LOXHD1: variants seen among roughly 807,000 people sequenced by gnomAD.
LOXHD1 encodes lipoxygenase homology PLAT domains 1.
Under a neutral mutation model 248.2 loss-of-function variants are expected in LOXHD1, and 205 were observed. The ratio of observed to expected loss-of-function variants is 0.83; its 90% CI spans 0.74 to 0.93. The LOEUF is 0.93. Ranked by LOEUF, LOXHD1 falls within the 40% of genes least tolerant of loss-of-function variation. LOXHD1 has a pLI of 0.00. For synonymous variants in LOXHD1, 1,113 were observed against 1,162.8 expected (o/e 0.96, Z 0.87); for missense variants, 2,930 against 2,971.6 (o/e 0.99, Z 0.33).
intron 4 of LOXHD1, among the ~76,000 whole-genome samples, chr18:46,626,672 A>G (rs565620239): frequency 1.1e-4 from 16 of 152,260 alleles, no homozygotes; most frequent in Non-Finnish European, 2.2e-4. Flanking sequence ...ATATGTTCAT[A>G]AACAAAAATT....
chr18:46,572,170 G>A lies in LOXHD1; in HGVS notation c.1971-8C>T. On this transcript the variant is annotated splice_region_variant and splice_polypyrimidine_tract_variant and intron_variant, in intron 14 of 40. Coordinates refer to ENST00000642948, the MANE Select transcript of LOXHD1 (RefSeq NM_001384474.1). ...TTATCCTTGTCCAACCACCTGGTGG[G>A]CAAATGGGGGAATGTTAGCTCTTTG... 6.4e-7 allele frequency: 1 copy of A among 1,551,514 alleles called. No individual in the cohort carries two copies. Among genetic ancestry groups the A allele is most frequent in the South Asian group, 1.2e-5 (1 of 84,048 alleles).
intron 38 of LOXHD1, among the ~76,000 whole-genome samples, chr18:46,487,441 C>A (rs1345130391): frequency 1.3e-5 from 2 of 152,214 alleles, no homozygotes; most frequent in East Asian, 3.9e-4. Flanking sequence ...ACTACAGGGG[C>A]ATGTGACGGC....
rs1568206162 is a variant in LOXHD1, at chr18:46,592,048, CA to C, written c.1538del (p.Leu513ArgfsTer23). The C allele has an allele frequency of 6.4e-7, 1 of 1,552,262 alleles. No individual in the cohort carries two copies. Among genetic ancestry groups the C allele is most frequent in the East Asian group, 2.4e-5 (1 of 40,930 alleles). On this transcript the variant is annotated frameshift_variant, in exon 12 of 41. Coordinates refer to ENST00000642948, the MANE Select transcript of LOXHD1 (RefSeq NM_001384474.1). LOFTEE classifies it high-confidence loss of function. ...HLERMTLMNT[L>X]NKDKYNFNCN... is the part of the protein sequence containing the mutation. The stretch of plus-strand genomic sequence containing the variant: ...AATTGAAGTTGTACTTGTCTTTGTT[CA>C]GAGTGTTCATCAGGGTCATCTGGAA...
chr18:46,538,306 A>G lies in LOXHD1; in HGVS notation c.3945T>C (p.Ser1315=). The change falls in exon 26 of 41, where the codon AGT becomes AGC. Residue 1315 remains serine (S), a synonymous_variant. Coordinates refer to ENST00000642948, the MANE Select transcript of LOXHD1 (RefSeq NM_001384474.1). ...FVPYEITLYT[S]DVFAAGTDAN... ...CATCTGTCCCAGCAGCAAAGACATC[A>G]CTGGTGTAGAGGGTGATCTCGTAAG... 1.9e-6 allele frequency: 3 copies of G among 1,551,432 alleles called. No individual in the cohort carries two copies. Among genetic ancestry groups the G allele is most frequent in the Non-Finnish European group, 2.6e-6 (3 of 1,146,706 alleles).
At chr18:46,631,266 AT>A (rs1289685474) in intron 4 of LOXHD1, among the ~76,000 whole-genome samples, 1 of 152,110 alleles carries the variant, frequency 6.6e-6, no homozygotes, top group Non-Finnish European at 1.5e-5. Context: ...GAAATATGGT[AT>A]TTCTTGGCAA....
At chr18:46,522,068 G>A in intron 32 of LOXHD1, 33 bp downstream of exon 32, 1 of 1,503,084 alleles carries the variant, frequency 6.7e-7, no homozygotes, top group Non-Finnish European at 9.0e-7. Context: ...TCCCTAGGGT[G>A]GTCACTATCA....
chr18:46,638,019 A>G (rs1027839096), intron 4 of LOXHD1, among the ~76,000 whole-genome samples: 22 of 152,206 alleles, frequency 1.4e-4, no homozygotes, highest in African/African-American at 4.8e-4. Context: ...ATGTCCAATG[A>G]TAAGGGATCC....
At chr18:46,557,267 A>C (rs2143972517) in intron 21 of LOXHD1, 89 bp downstream of exon 21, 15 of 1,367,176 alleles carry the variant, frequency 1.1e-5, no homozygotes, top group South Asian at 2.6e-5. Context: ...CAGCCGGCCC[A>C]CCCCCAGTCT....
chr18:46,589,124 C>A (rs1191420216), intron 12 of LOXHD1, among the ~76,000 whole-genome samples: 1 of 152,200 alleles, frequency 6.6e-6, no homozygotes, highest in Non-Finnish European at 1.5e-5. Context: ...GAGGAAACAG[C>A]AAACTGTTCT....
At chr18:46,592,796 G>C (rs2038195873) in intron 10 of LOXHD1, among the ~76,000 whole-genome samples, 1 of 152,162 alleles carries the variant, frequency 6.6e-6, no homozygotes, top group Admixed American at 6.5e-5. Context: ...CAGAGGGCAA[G>C]GGTTCAGTCT....
At chr18:46,589,121 C>T (rs920606285) in intron 12 of LOXHD1, among the ~76,000 whole-genome samples, 3 of 152,166 alleles carry the variant, frequency 2.0e-5, no homozygotes, top group African/African-American at 7.2e-5. Flanking sequence ...TATGAGGAAA[C>T]AGCAAACTGT....
intron 24 of LOXHD1, 27 bp downstream of exon 24, chr18:46,542,700 A>G: frequency 6.4e-7 from 1 of 1,551,168 alleles, no homozygotes; most frequent in African/African-American, 1.4e-5. Context: ...AAGTCTTAGC[A>G]AGGAACAGAG....
rs1304603112 is a variant in LOXHD1 at position 46,577,686 on chromosome 18, C to T, written c.1970+21G>A. 3.2e-6 allele frequency: 5 copies of T among 1,545,668 alleles called. No homozygotes were observed. In the African/African-American group the frequency reaches 4.1e-5, roughly 13 times the overall value. ...TCATAACCTAAGCTGGAGAAAACAC[C>T]AGCAGGCAGGACGCATGTACCTGAG... On this transcript the variant is annotated intron_variant, in intron 14 of 40. Coordinates refer to ENST00000642948, the MANE Select transcript of LOXHD1 (RefSeq NM_001384474.1).
intron 6 of LOXHD1, among the ~76,000 whole-genome samples, chr18:46,608,035 G>GGGAC: frequency 9.0e-6 from 1 of 111,362 alleles, no homozygotes; most frequent in Non-Finnish European, 1.9e-5. Flanking sequence ...GAAGGAAGGA[G>GGGAC]GGAAGGAAGG....
chr18:46,510,653 C>T (rs1034663572), intron 34 of LOXHD1, among the ~76,000 whole-genome samples: 1 of 152,148 alleles, frequency 6.6e-6, no homozygotes, highest in African/African-American at 2.4e-5. Flanking sequence ...GAATACAAGA[C>T]ATATTTTTAT....
intron 1 of LOXHD1, among the ~76,000 whole-genome samples, chr18:46,655,876 G>C (rs1433832252): frequency 6.6e-6 from 1 of 152,232 alleles, no homozygotes; most frequent in African/African-American, 2.4e-5. Flanking sequence ...GATGTAATCA[G>C]GGAACTCATG....
chr18:46,571,785 C>A (rs947433561), intron 15 of LOXHD1, among the ~76,000 whole-genome samples: 3 of 152,198 alleles, frequency 2.0e-5, no homozygotes, highest in Non-Finnish European at 2.9e-5. Flanking sequence ...CAAAATATTT[C>A]TCTTCTTAAG....
intron 7 of LOXHD1, among the ~76,000 whole-genome samples, chr18:46,603,155 G>T (rs139903307): frequency 6.6e-6 from 1 of 152,072 alleles, no homozygotes; most frequent in Non-Finnish European, 1.5e-5. Context: ...GGCCAGAGAA[G>T]GTCAGGGAGG....
rs1428471579 is a variant in LOXHD1 at position 46,563,233 on chromosome 18, G to A, written c.2438-8C>T. On this transcript the variant is annotated splice_polypyrimidine_tract_variant and splice_region_variant and intron_variant, in intron 17 of 40. Coordinates refer to ENST00000642948, the MANE Select transcript of LOXHD1 (RefSeq NM_001384474.1). ...CAACCTCATAGTGGACCACTGGGTG[G>A]GCACGTGCAGAAGAAGTGGAACATT... The A allele has an allele frequency of 8.8e-6, 13 of 1,485,550 alleles. No homozygotes were observed. The highest frequency in any genetic ancestry group is 1.2e-5 in the Non-Finnish European group (13 of 1,100,966). 92.0% of individuals were successfully genotyped at this position (1,485,550 alleles called of 1,614,324 possible).
Sources: gnomAD v4.1 joint callset for allele counts (sites outside exome capture counted in the v4.1 genomes callset) on GRCh38, gnomAD v4.1.1 for gene constraint, MANE v1.5 for transcripts, NCBI Gene and HGNC (gene_info 2026-07-23, HGNC 2026-07-21) for gene names.